The following RBPJ variants were observed in gnomAD, a reference collection of about 807,000 sequenced individuals.
The protein encoded by RBPJ is recombination signal binding protein for immunoglobulin kappa J region.
RBPJ carries 9 observed loss-of-function variants against 67.8 expected under a neutral mutation model. The ratio of observed to expected loss-of-function variants is 0.13; its 90% CI spans 0.08 to 0.23. RBPJ has a LOEUF of 0.23. Ranked by LOEUF, RBPJ falls within the 10% of genes least tolerant of loss-of-function variation. The pLI is 1.00. For synonymous variants in RBPJ, 198 were observed against 203.3 expected, an observed-to-expected ratio of 0.97 and a Z score of 0.22; for missense variants, 305 against 595.6, an observed-to-expected ratio of 0.51 and a Z score of 5.08.
chr4:26,354,176 C>T (rs1252791155), intron 1 of RBPJ, among the ~76,000 whole-genome samples: 3 of 152,040 alleles, frequency 2.0e-5, no homozygotes, highest in Non-Finnish European at 4.4e-5. Context: ...CGTGATCCAC[C>T]CGCCTCGGCC....
At chr4:26,395,944 C>A (rs3109843) in intron 2 of RBPJ, among the ~76,000 whole-genome samples, 86,050 of 151,952 alleles carry the variant, frequency 0.57, 24,419 homozygotes, top group Admixed American at 0.66. Flanking sequence ...TTCTTTGTCT[C>A]CTCTGGATTA....
At chr4:26,111,201 C>T in the RBPJ span, among the ~76,000 whole-genome samples, 16 of 117,862 alleles carry the variant, frequency 1.4e-4, no homozygotes, top group African/African-American at 3.6e-4. Flanking sequence ...ATTGGCCCAG[C>T]CCCCCTCCTT....
At chr4:26,376,380 T>G (rs1006629968) in intron 1 of RBPJ, among the ~76,000 whole-genome samples, 1 of 152,210 alleles carries the variant, frequency 6.6e-6, no homozygotes, top group Admixed American at 6.5e-5. Flanking sequence ...TCATATAATA[T>G]TTGTCCTTTT....
At chr4:26,287,909 T>C (rs1331926947) in intron 1 of RBPJ, among the ~76,000 whole-genome samples, 1 of 152,116 alleles carries the variant, frequency 6.6e-6, no homozygotes, top group Non-Finnish European at 1.5e-5. Flanking sequence ...TCTTTGAGCA[T>C]CTCATTGAAC....
chr4:26,182,897 C>A (rs1717061774), intron 1 of RBPJ, among the ~76,000 whole-genome samples: 1 of 152,210 alleles, frequency 6.6e-6, no homozygotes, highest in Non-Finnish European at 1.5e-5. Context: ...CCCTCCACAT[C>A]TCTTCCTACT....
upstream of RBPJ, chr4:26,319,897 A>AG: frequency 7.2e-7 from 1 of 1,387,638 alleles, no homozygotes; most frequent in Non-Finnish European, 1.0e-6. Flanking sequence ...AGGTAGGAGG[A>AG]GGGGGCGGGA....
chr4:26,185,000 G>T (rs879741297), intron 1 of RBPJ, among the ~76,000 whole-genome samples: 2 of 151,946 alleles, frequency 1.3e-5, no homozygotes, highest in Non-Finnish European at 2.9e-5. Flanking sequence ...AAATTAGCTG[G>T]GTGTGGCATC....
At chr4:26,268,260 A>C (rs1418121665) in intron 1 of RBPJ, among the ~76,000 whole-genome samples, 3 of 152,084 alleles carry the variant, frequency 2.0e-5, no homozygotes, top group Non-Finnish European at 4.4e-5. Context: ...TTTTCAAAAA[A>C]AACAAAAAAC....
At chr4:26,116,228 A>T in the RBPJ span, among the ~76,000 whole-genome samples, 1 of 152,252 alleles carries the variant, frequency 6.6e-6, no homozygotes, top group South Asian at 2.1e-4. Context: ...CGCAGGCTGC[A>T]TTGAGCTGAC....
intron 1 of RBPJ, among the ~76,000 whole-genome samples, chr4:26,204,934 G>C (rs185027589): frequency 6.6e-6 from 1 of 152,144 alleles, no homozygotes; most frequent in Non-Finnish European, 1.5e-5. Flanking sequence ...TGGAGACACC[G>C]GTCAGAAAAC....
At position 26,215,403 on chromosome 4, in the gene RBPJ, G is replaced by GGGAGGGA. The variant is rs1560214857; in HGVS notation, c.-167+51791_-167+51792insAGGGAGG. On this transcript the variant is annotated intron_variant, in intron 1 of 4. Coordinates refer to the RBPJ transcript ENST00000512351. ...GGAGGGAGGGAGAGAGGAAGGAAGG[G>GGGAGGGA]GGGGGAAGGAAGGAAGGGAGGGAGG... is the stretch of plus-strand genomic sequence containing the variant. Among the ~76,000 whole-genome samples the GGGAGGGA allele has an allele frequency of 3.5e-3, 59 of 16,830 alleles. 2 individuals carry two copies. The highest frequency in any genetic ancestry group is 8.4e-3 in the African/African-American group (45 of 5,360). The allele number at this position is 16,830 out of a possible 152,430, so 11.0% of individuals were successfully genotyped here. A position where few individuals can be genotyped will look rare whatever the true frequency, so the allele number is the denominator to read the frequency against.
chr4:26,225,717 C>G (rs2109197100), intron 1 of RBPJ, among the ~76,000 whole-genome samples: 1 of 151,946 alleles, frequency 6.6e-6, no homozygotes, highest in African/African-American at 2.4e-5. Flanking sequence ...TATGGGAACT[C>G]TAGTTTCTGC....
At position 26,346,810 on chromosome 4, in the gene RBPJ, G is replaced by A. The variant is rs552046126; in HGVS notation, c.20+25762G>A. 3.9e-5 allele frequency among the ~76,000 whole-genome samples: 6 copies of A among 152,156 alleles called. No homozygotes were observed. In the South Asian group the frequency reaches 1.2e-3, roughly 32 times the overall value. On this transcript the variant is annotated intron_variant, in intron 1 of 10. Transcript: ENST00000355476. ...AGTTTGAGACCAGCCTGGCCAATGT[G>A]GTGAAACCCTGTCTCTACTAAAAAT...
At chr4:26,352,981 T>C (rs1160416563) in intron 1 of RBPJ, among the ~76,000 whole-genome samples, 1 of 152,190 alleles carries the variant, frequency 6.6e-6, no homozygotes, top group East Asian at 1.9e-4. Context: ...CTTTGTTAAA[T>C]AGTGGAAAGT....
intron 1 of RBPJ, among the ~76,000 whole-genome samples, chr4:26,284,073 A>G (rs2109278505): frequency 6.6e-6 from 1 of 152,320 alleles, no homozygotes; most frequent in Non-Finnish European, 1.5e-5. Context: ...ACGATTAAAT[A>G]TGGTAGTGGT....
chr4:26,216,346 A>G (rs1718723066), intron 1 of RBPJ, among the ~76,000 whole-genome samples: 1 of 152,176 alleles, frequency 6.6e-6, no homozygotes, highest in African/African-American at 2.4e-5. Flanking sequence ...AATGAATGAG[A>G]GATTTGCTCC....
At chr4:26,280,179 G>A (rs867599936) in intron 1 of RBPJ, among the ~76,000 whole-genome samples, 18 of 151,742 alleles carry the variant, frequency 1.2e-4, no homozygotes, top group Middle Eastern at 3.4e-3. Context: ...TGGATCACTT[G>A]AGGTCAGGAG....
At chr4:26,327,104 A>G (rs1442527810) in intron 1 of RBPJ, among the ~76,000 whole-genome samples, 1 of 152,112 alleles carries the variant, frequency 6.6e-6, no homozygotes, top group African/African-American at 2.4e-5. Flanking sequence ...TATCCTGCCC[A>G]CAGTTCTGTA....
chr4:26,296,260 G>T (rs1453781636), intron 1 of RBPJ, among the ~76,000 whole-genome samples: 2 of 152,190 alleles, frequency 1.3e-5, no homozygotes, highest in Non-Finnish European at 2.9e-5. Flanking sequence ...AAGGCTGTTA[G>T]TCACATCCCT....
Sources: allele counts gnomAD v4.1 joint callset (sites outside exome capture counted in the v4.1 genomes callset), GRCh38; gene constraint gnomAD v4.1.1; transcripts MANE v1.5; gene names NCBI Gene and HGNC (gene_info 2026-07-23, HGNC 2026-07-21).